Variants in ITGB2 observed in about 807,000 individuals in gnomAD.
ITGB2 encodes integrin subunit beta 2, also known as integrin beta-2.
In ITGB2, 56 loss-of-function variants were observed where a neutral mutation model predicts 86.8. The ratio of observed to expected loss-of-function variants is 0.65; its 90% CI spans 0.52 to 0.81. The LOEUF (loss-of-function observed/expected upper bound fraction) is 0.81. Among genes scored for constraint, ITGB2 ranks in the 30% least tolerant of loss-of-function variants. The pLI is 0.00. For missense variants in ITGB2, 948 were observed against 1,061.2 expected (o/e 0.89, Z 1.48); for synonymous variants, 457 against 450.4 (o/e 1.01, Z -0.19).
intron 12 of ITGB2, 130 bp downstream of exon 12, chr21:44,889,848 C>A: frequency 7.3e-7 from 1 of 1,367,902 alleles, no homozygotes. Context: ...GGTGGCTGGG[C>A]GAGACTTGCA....
intron 1 of ITGB2, among the ~76,000 whole-genome samples, chr21:44,920,003 TG>T (rs977287948): frequency 1.3e-5 from 2 of 152,124 alleles, no homozygotes; most frequent in African/African-American, 2.4e-5. Context: ...GAGCCTGTTG[TG>T]GGGAGGCCAG....
At chr21:44,919,447 G>A (rs1389341093) in intron 1 of ITGB2, among the ~76,000 whole-genome samples, 2 of 152,208 alleles carry the variant, frequency 1.3e-5, no homozygotes, top group Middle Eastern at 3.2e-3. Flanking sequence ...TCTTGGTAAA[G>A]TGCTGGCCCC....
Position 44,907,557 on chromosome 21 carries a change from G to T in ITGB2, c.148-462C>A, listed in dbSNP as rs75471252. ...GGGCCAAGCCCCTCAAAGTTTAGAA[G>T]AACAAAAGCTGGAGGGGAGCCTGGG... On this transcript the variant is annotated intron_variant, in intron 3 of 15. Coordinates refer to ENST00000652462, the MANE Select transcript of ITGB2 (RefSeq NM_000211.5). Among the ~76,000 whole-genome samples, 18 of 152,338 alleles carry T rather than the reference G, an allele frequency of 1.2e-4. No individual in the cohort carries two copies. The East Asian group carries it at 3.3e-3, about 28-fold the overall frequency.
chr21:44,896,023 ATCCCGCCTGCGGTGTGAGTGC>A (rs1227224860), intron 8 of ITGB2, among the ~76,000 whole-genome samples: 27 of 151,002 alleles, frequency 1.8e-4, no homozygotes, highest in Non-Finnish European at 3.2e-4. Flanking sequence ...GGTGTGAGTG[ATCCCGCCTGCGGTGTGAGTGC>A]TCCCGCCTGC....
chr21:44,926,291 C>A (rs2084372644), intron 1 of ITGB2, among the ~76,000 whole-genome samples: 1 of 152,182 alleles, frequency 6.6e-6, no homozygotes, highest in South Asian at 2.1e-4. Context: ...TCTGATGTGC[C>A]TGTTGCACAA....
Position 44,910,307 on chromosome 21 carries a change from C to T in ITGB2, c.124G>A (p.Gly42Ser), listed in dbSNP as rs552407409. Residue 42 changes from glycine to serine, a missense_variant, in exon 3 of 16, where the codon GGC becomes AGC. Gly to Ser is a moderately conservative substitution (Grantham distance 56). Coordinates refer to ENST00000652462, the MANE Select transcript of ITGB2 (RefSeq NM_000211.5). ...SCRECIESGP[G>S]CTWCQKLNFT... ...ACCAGCTTCTGGCACCAGGTGCAGCCGGGCCCCGACTCGATGCATTCCCGG... is the reference window on the plus strand; with the variant it reads ...ACCAGCTTCTGGCACCAGGTGCAGCTGGGCCCCGACTCGATGCATTCCCGG... 84 of 1,613,956 alleles carry T rather than the reference C, an allele frequency of 5.2e-5. No individual in the cohort carries two copies. The South Asian group carries it at 5.8e-4, about 11-fold the overall frequency.
intron 1 of ITGB2, among the ~76,000 whole-genome samples, chr21:44,914,500 G>A (rs560529114): frequency 6.6e-6 from 1 of 152,312 alleles, no homozygotes. Context: ...CACACTTCAC[G>A]GTGAGCAAAG....
At position 44,903,319 on chromosome 21, in the gene ITGB2, G is replaced by C. The variant is rs765486558; in HGVS notation, c.499+46C>G. 17 of 1,611,162 alleles carry C rather than the reference G, an allele frequency of 1.1e-5. No homozygotes were observed. The African/African-American group carries it at 2.1e-4, about 20-fold the overall frequency. ...GTGGGCCACAGGCAGGAGTGGCCAGGGTCTGGGAAAGGACTGGGTTTTGTC... is the reference window on the plus strand; with the variant it reads ...GTGGGCCACAGGCAGGAGTGGCCAGCGTCTGGGAAAGGACTGGGTTTTGTC... On this transcript the variant is annotated intron_variant, in intron 5 of 15. Transcript: ENST00000652462.
rs980129378 is a variant in ITGB2 at position 44,886,016 on chromosome 21, T to C, written c.*352A>G. The C allele has an allele frequency of 2.8e-6, 1 of 361,492 alleles. No homozygotes were observed. The highest frequency in any genetic ancestry group is 5.3e-6 in the Non-Finnish European group (1 of 190,094). 22.4% of individuals were successfully genotyped at this position (361,492 alleles called of 1,614,324 possible). On this transcript the variant is annotated 3_prime_UTR_variant, in exon 16 of 16. Transcript: ENST00000652462. ...CTATACACGTGATTGATTAACAATA[T>C]AATTAATGGGATGTCATTTTATACC...
chr21:44,890,096 G>A lies in ITGB2; in HGVS notation c.1539C>T (p.Val513=). 6.2e-7 allele frequency: 1 copy of A among 1,613,502 alleles called. No individual in the cohort carries two copies. The highest frequency in any genetic ancestry group is 8.5e-7 in the Non-Finnish European group (1 of 1,180,012). Residue 513 remains valine, a synonymous_variant, in exon 12 of 16, where the codon GTC becomes GTT. Coordinates refer to ENST00000652462, the MANE Select transcript of ITGB2 (RefSeq NM_000211.5). ...SIICSGLGDC[V]CGQCLCHTSD... Reference sequence around the variant, plus strand: ...TGGTGTGGCACAGGCACTGCCCGCAGACACAGTCCCCCAGCCCTGAGCAGA... The same window carrying A: ...TGGTGTGGCACAGGCACTGCCCGCAAACACAGTCCCCCAGCCCTGAGCAGA...
In ITGB2 at chr21:44,890,363, C is replaced by T. The variant is rs1197949505; in HGVS notation, c.1413-141G>A. 2.9e-6 allele frequency: 3 copies of T among 1,050,416 alleles called. No individual in the cohort carries two copies. The African/African-American group carries it at 4.7e-5, about 16-fold the overall frequency. 65.1% of individuals were successfully genotyped at this position (1,050,416 alleles called of 1,614,324 possible). A position where few individuals can be genotyped will look rare whatever the true frequency, so the allele number is the denominator to read the frequency against. On this transcript the variant is annotated intron_variant, in intron 11 of 15. Transcript: ENST00000652462. ...TGCTTTCCTCGAGGCCTACTGAGCA[C>T]TTGCCACGGACTAAATGTGCTCAAA...
intron 11 of ITGB2, 135 bp downstream of exon 11, chr21:44,891,674 G>C: frequency 1.0e-6 from 1 of 970,334 alleles, no homozygotes; most frequent in African/African-American, 1.6e-5. Context: ...ACCTCCTGCA[G>C]AAGGGGGCCC....
intron 4 of ITGB2, 65 bp downstream of exon 4, chr21:44,906,850 A>C: frequency 1.3e-6 from 2 of 1,563,920 alleles, no homozygotes; most frequent in South Asian, 2.2e-5. Flanking sequence ...GCAGGGCCGG[A>C]CTCCCAGCCA....
chr21:44,891,764 G>T, intron 11 of ITGB2, 45 bp downstream of exon 11: 1 of 1,591,668 alleles, frequency 6.3e-7, no homozygotes. Flanking sequence ...TGCCCTGTGG[G>T]GTGGGGCTCG....
At chr21:44,915,389 G>A (rs748876302) in intron 1 of ITGB2, among the ~76,000 whole-genome samples, 3 of 151,792 alleles carry the variant, frequency 2.0e-5, no homozygotes, top group East Asian at 1.9e-4. Context: ...CAGAGGCCCC[G>A]CAGACCCATT....
chr21:44,900,261 TCTC>T, intron 7 of ITGB2, 56 bp downstream of exon 7: 1 of 1,606,464 alleles, frequency 6.2e-7, no homozygotes, highest in Non-Finnish European at 8.5e-7. Flanking sequence ...CCCACCCTTG[TCTC>T]CTCCGTCAGT....
intron 1 of ITGB2, among the ~76,000 whole-genome samples, chr21:44,914,463 C>G (rs2084174292): frequency 6.6e-6 from 1 of 152,222 alleles, no homozygotes; most frequent in Admixed American, 6.5e-5. Flanking sequence ...CCCTCCCGGG[C>G]ACCAAATGGA....
rs2083696229 is a variant in ITGB2 at position 44,886,236 on chromosome 21, A to T, written c.*132T>A. 1.1e-6 allele frequency: 1 copy of T among 928,788 alleles called. No individual in the cohort carries two copies. The highest frequency in any genetic ancestry group is 1.8e-6 in the Non-Finnish European group (1 of 568,014). The allele number at this position is 928,788 out of a possible 1,614,324, so 57.5% of individuals were successfully genotyped here. A position where few individuals can be genotyped will look rare whatever the true frequency, so the allele number is the denominator to read the frequency against. ...AAGCACCCGGCCGGCCATGGCTGTC[A>T]TTTTGAGGGCGGAAAATAACTGGAT... On this transcript the variant is annotated 3_prime_UTR_variant, in exon 16 of 16. Coordinates refer to ENST00000652462, the MANE Select transcript of ITGB2 (RefSeq NM_000211.5).
rs375358624 is a variant in ITGB2 at position 44,894,960 on chromosome 21, G to A, written c.1083+11C>T. 38 of 1,571,262 alleles carry A rather than the reference G, an allele frequency of 2.4e-5. No individual in the cohort carries two copies. The highest frequency in any genetic ancestry group is 4.1e-5 in the African/African-American group (3 of 73,902). ...CCCATGGGTCCCAGCTGAGTGGTGC[G>A]GGAGACTCACATTGTAAGCATTCTT... On this transcript the variant is annotated intron_variant, in intron 9 of 15. Coordinates refer to ENST00000652462, the MANE Select transcript of ITGB2 (RefSeq NM_000211.5).
Sources: gnomAD v4.1 joint callset for allele counts (sites outside exome capture counted in the v4.1 genomes callset) on GRCh38, gnomAD v4.1.1 for gene constraint, MANE v1.5 for transcripts, NCBI Gene and HGNC (gene_info 2026-07-23, HGNC 2026-07-21) for gene names.